SCEL: variants seen among roughly 807,000 people sequenced by gnomAD.
SCEL encodes the protein sciellin.
Under a neutral mutation model 117.6 loss-of-function variants are expected in SCEL, and 113 were observed. The observed-to-expected ratio is 0.96, with a 90% CI of 0.83 to 1.12. SCEL has a LOEUF of 1.12. SCEL is among the 50% of genes most tolerant of loss of function. The pLI is 0.00. For synonymous variants in SCEL, 270 were observed against 256.2 expected (o/e 1.05, Z -0.51); for missense variants, 785 against 810.8 (o/e 0.97, Z 0.39).
Position 77,617,990 on chromosome 13 carries a change from T to C in SCEL, c.1572-14T>C. The C allele has an allele frequency of 6.2e-7, 1 of 1,612,868 alleles. No individual in the cohort carries two copies. Among genetic ancestry groups the C allele is most frequent in the Non-Finnish European group, 8.5e-7 (1 of 1,178,936 alleles). ...TTACCAATCTGAACTTTTTTCTCTC[T>C]CTCTTTTAAACAGCCAAGACTTGGA... On this transcript the variant is annotated splice_polypyrimidine_tract_variant and intron_variant, in intron 26 of 32. Coordinates refer to ENST00000349847, the MANE Select transcript of SCEL (RefSeq NM_144777.3).
chr13:77,542,265 G>C (rs1226398829), intron 1 of SCEL, among the ~76,000 whole-genome samples: 1 of 152,190 alleles, frequency 6.6e-6, no homozygotes, highest in Non-Finnish European at 1.5e-5. Flanking sequence ...GAGAGGCATG[G>C]TGGTGCGTGC....
rs796907419 is a variant in SCEL, at chr13:77,593,295, T to TGTGCGTGCGC, written c.693-217_693-216insGCGTGCGCGT. Among the ~76,000 whole-genome samples, 11 of 136,886 alleles carry TGTGCGTGCGC rather than the reference T, an allele frequency of 8.0e-5. No homozygotes were observed. The East Asian group carries it at 2.1e-3, about 26-fold the overall frequency. The allele number at this position is 136,886 out of a possible 152,430, so 89.8% of individuals were successfully genotyped here. Reference sequence around the variant, plus strand: ...GTGTGTGTGTGTGTGTGTGTGTGTGTGTCTGTGTGTGTGTGTGTGTGTGTC... The same window carrying TGTGCGTGCGC: ...GTGTGTGTGTGTGTGTGTGTGTGTGTGTGCGTGCGCGTCTGTGTGTGTGTGTGTGTGTGTC... On this transcript the variant is annotated intron_variant, in intron 11 of 32. Transcript: ENST00000349847.
intron 8 of SCEL, among the ~76,000 whole-genome samples, chr13:77,570,869 CT>C (rs1240774894): frequency 6.6e-6 from 1 of 150,408 alleles, no homozygotes; most frequent in African/African-American, 2.4e-5. Flanking sequence ...TTTTCTTTTT[CT>C]TTTTTTTTGG....
intron 31 of SCEL, among the ~76,000 whole-genome samples, chr13:77,641,849 G>A (rs2090570964): frequency 6.6e-6 from 1 of 151,980 alleles, no homozygotes; most frequent in Non-Finnish European, 1.5e-5. Context: ...AACTCATTTT[G>A]AGCAAAACAT....
chr13:77,622,421 A>G (rs747762422), intron 27 of SCEL, among the ~76,000 whole-genome samples: 15 of 152,130 alleles, frequency 9.9e-5, no homozygotes, highest in Non-Finnish European at 2.1e-4. Flanking sequence ...TTTTTCCTTC[A>G]CCTGCTTTGT....
chr13:77,556,005 T>C lies in SCEL; in HGVS notation c.43+87T>C, dbSNP rs991737412. On this transcript the variant is annotated intron_variant, in intron 2 of 32. Transcript: ENST00000349847. ...GATCTCAATTCTTTAATACAGATAT[T>C]GAATGCTTAGAAACAACAGTCTAAT... is the stretch of plus-strand genomic sequence containing the variant. The C allele has an allele frequency of 4.2e-6, 4 of 951,024 alleles. No individual in the cohort carries two copies. In the African/African-American group the frequency reaches 6.5e-5, roughly 15 times the overall value. The allele number at this position is 951,024 out of a possible 1,614,324, so 58.9% of individuals were successfully genotyped here. A position where few individuals can be genotyped will look rare whatever the true frequency, so the allele number is the denominator to read the frequency against.
intron 8 of SCEL, 33 bp downstream of exon 8, chr13:77,569,484 G>A (rs2154397373): frequency 6.6e-7 from 1 of 1,511,434 alleles, no homozygotes; most frequent in Non-Finnish European, 9.2e-7. Flanking sequence ...ACCTCTTGCT[G>A]ATACACTATG....
chr13:77,610,173 A>G, intron 22 of SCEL, 67 bp downstream of exon 22: 1 of 1,182,658 alleles, frequency 8.5e-7, no homozygotes, highest in Non-Finnish European at 1.2e-6. Context: ...AAACATGACA[A>G]ATTGTGCGGT....
Position 77,608,645 on chromosome 13 carries a change from A to G in SCEL, c.1218-413A>G, listed in dbSNP as rs974071307. ...TTTTTGTCACTTGATAGTTGTTAGG[A>G]ATGAATGAAATAATGGGTATAAAAT... On this transcript the variant is annotated intron_variant, in intron 20 of 32. Coordinates refer to ENST00000349847, the MANE Select transcript of SCEL (RefSeq NM_144777.3). Among the ~76,000 whole-genome samples, 5 of 152,286 alleles carry G rather than the reference A, an allele frequency of 3.3e-5. No individual in the cohort carries two copies. The East Asian group carries it at 9.6e-4, about 29-fold the overall frequency.
intron 24 of SCEL, among the ~76,000 whole-genome samples, chr13:77,615,899 G>A (rs2088983947): frequency 6.6e-6 from 1 of 151,940 alleles, no homozygotes; most frequent in African/African-American, 2.4e-5. Context: ...CATTAATTTA[G>A]TGAATGGCAA....
At chr13:77,618,178 CTTTT>C in intron 27 of SCEL, 118 bp downstream of exon 27, 1 of 789,352 alleles carries the variant, frequency 1.3e-6, no homozygotes, top group Non-Finnish European at 2.2e-6. Context: ...CCCTTCCTCC[CTTTT>C]TTCTTTCTTT....
chr13:77,595,273 T>A (rs2087154648), intron 12 of SCEL, among the ~76,000 whole-genome samples: 1 of 152,182 alleles, frequency 6.6e-6, no homozygotes, highest in African/African-American at 2.4e-5. Flanking sequence ...ATGGTAGTCA[T>A]CATAGAGTAT....
chr13:77,552,969 C>A (rs1291810608), intron 1 of SCEL, among the ~76,000 whole-genome samples: 4 of 152,126 alleles, frequency 2.6e-5, no homozygotes, highest in Non-Finnish European at 4.4e-5. Flanking sequence ...ATAGGGAATC[C>A]TTTCGCCATT....
At chr13:77,559,706 C>A in intron 3 of SCEL, 98 bp from the exon 4 acceptor site, 1 of 979,504 alleles carries the variant, frequency 1.0e-6, no homozygotes, top group Non-Finnish European at 1.6e-6. Flanking sequence ...ATTAACCTTG[C>A]CAAAAATTGG....
chr13:77,628,078 TAGA>T (rs1314835413), intron 28 of SCEL, 69 bp downstream of exon 28: 4 of 391,064 alleles, frequency 1.0e-5, no homozygotes, highest in Non-Finnish European at 1.8e-5. Flanking sequence ...TGTATAGCCT[TAGA>T]AGATTATATA....
chr13:77,572,252 A>C (rs2085680814), intron 9 of SCEL, 63 bp downstream of exon 9: 1 of 1,268,348 alleles, frequency 7.9e-7, no homozygotes, highest in Non-Finnish European at 1.1e-6. Flanking sequence ...TCAGACATTG[A>C]CAACATATAA....
At chr13:77,564,677 G>C (rs2085186955) in intron 5 of SCEL, among the ~76,000 whole-genome samples, 1 of 152,158 alleles carries the variant, frequency 6.6e-6, no homozygotes, top group African/African-American at 2.4e-5. Flanking sequence ...TTTACTCCCT[G>C]CAGCTAAAGA....
chr13:77,568,673 T>G (rs925964025), intron 7 of SCEL, among the ~76,000 whole-genome samples: 7 of 152,058 alleles, frequency 4.6e-5, no homozygotes, highest in African/African-American at 1.7e-4. Flanking sequence ...CCTCCACACC[T>G]CACTTCCTTC....
intron 15 of SCEL, among the ~76,000 whole-genome samples, chr13:77,601,015 C>T (rs887210723): frequency 2.6e-5 from 4 of 152,060 alleles, no homozygotes; most frequent in Admixed American, 2.6e-4. Context: ...GTAACCATCA[C>T]ACAGGCTTGT....
Sources: gnomAD v4.1 joint callset for allele counts (sites outside exome capture counted in the v4.1 genomes callset) on GRCh38, gnomAD v4.1.1 for gene constraint, MANE v1.5 for transcripts, NCBI Gene and HGNC (gene_info 2026-07-23, HGNC 2026-07-21) for gene names.